Variants in ARMC8 observed in about 807,000 individuals in gnomAD.
ARMC8 encodes armadillo repeat-containing protein 8.
In ARMC8, 20 loss-of-function variants were observed where a neutral mutation model predicts 99.3. The observed-to-expected ratio is 0.20, with a 90% confidence interval of 0.14 to 0.29. ARMC8 has a LOEUF of 0.29. ARMC8 is among the 10% of genes least tolerant of loss of function. ARMC8 has a pLI of 1.00. For synonymous variants in ARMC8, 263 were observed against 278.3 expected, an observed-to-expected ratio of 0.95 and a Z score of 0.55; for missense variants, 569 against 809.5, an observed-to-expected ratio of 0.70 and a Z score of 3.60.
intron 1 of ARMC8, among the ~76,000 whole-genome samples, chr3:138,198,702 C>T (rs941338406): frequency 1.3e-5 from 2 of 151,696 alleles, no homozygotes; most frequent in African/African-American, 4.8e-5. Flanking sequence ...TTAGTAGAGC[C>T]GAGGTTTCAC....
At chr3:138,277,481 ATAT>A (rs556711902) in intron 18 of ARMC8, among the ~76,000 whole-genome samples, 26 of 152,366 alleles carry the variant, frequency 1.7e-4, no homozygotes, top group African/African-American at 5.3e-4. Flanking sequence ...ACCGGAAGGA[ATAT>A]TTGTGGATCA....
intron 1 of ARMC8, among the ~76,000 whole-genome samples, chr3:138,209,581 T>C (rs991241754): frequency 6.6e-6 from 1 of 152,224 alleles, no homozygotes; most frequent in Non-Finnish European, 1.5e-5. Context: ...AAGAAAAATA[T>C]TGATCTTTGA....
intron 18 of ARMC8, among the ~76,000 whole-genome samples, chr3:138,277,274 A>T (rs890680251): frequency 2.0e-5 from 3 of 152,246 alleles, no homozygotes; most frequent in Non-Finnish European, 4.4e-5. Flanking sequence ...ACTGATAGAC[A>T]TAACATAAAA....
intron 6 of ARMC8, among the ~76,000 whole-genome samples, chr3:138,233,784 C>G (rs1440023398): frequency 6.6e-6 from 1 of 152,116 alleles, no homozygotes; most frequent in Non-Finnish European, 1.5e-5. Context: ...ACTTGCTGGA[C>G]CAATAACTGG....
intron 2 of ARMC8, among the ~76,000 whole-genome samples, chr3:138,215,410 G>T (rs906630682): frequency 8.6e-5 from 13 of 151,968 alleles, no homozygotes; most frequent in Non-Finnish European, 1.3e-4. Flanking sequence ...TAGAGACGGG[G>T]TTTCACCGTG....
intron 12 of ARMC8, among the ~76,000 whole-genome samples, chr3:138,250,661 G>T (rs1161502415): frequency 1.3e-5 from 2 of 152,132 alleles, no homozygotes; most frequent in Non-Finnish European, 2.9e-5. Context: ...TAACTTTGAT[G>T]ACCTAATTGT....
intron 14 of ARMC8, among the ~76,000 whole-genome samples, chr3:138,266,526 TCC>T (rs1240513753): frequency 6.6e-6 from 1 of 152,184 alleles, no homozygotes; most frequent in Non-Finnish European, 1.5e-5. Context: ...CTACGGTACT[TCC>T]CTTATTATTC....
chr3:138,287,128 C>A (rs1042890908), intron 19 of ARMC8, among the ~76,000 whole-genome samples: 2 of 152,166 alleles, frequency 1.3e-5, no homozygotes, highest in Non-Finnish European at 1.5e-5. Context: ...TCCCTTCAGC[C>A]CAACTGGTCT....
Position 138,241,919 on chromosome 3 carries a change from T to C in ARMC8, c.974T>C (p.Ile325Thr). The C allele has an allele frequency of 1.9e-6, 3 of 1,614,096 alleles. No homozygotes were observed. In the South Asian group the frequency reaches 3.3e-5, roughly 18 times the overall value. ...ATCGCTAGCATAACTGATCACCTCA[T>C]TGCCATGCTTGCTGATTATTTCAAG... is the stretch of plus-strand genomic sequence containing the variant. ...QRIASITDHL[I>T]AMLADYFKYP... Residue 325 changes from isoleucine (I) to threonine (T), a missense_variant, in exon 11 of 22, where the codon ATT becomes ACT. This residue lies in a region of ARMC8 where 342 missense variants were observed against 391.6 expected (regional missense o/e 0.87). Coordinates refer to ENST00000469044, the MANE Select transcript of ARMC8 (RefSeq NM_001363941.2).
At chr3:138,295,099 G>A (rs532114300) in intron 21 of ARMC8, among the ~76,000 whole-genome samples, 3 of 151,940 alleles carry the variant, frequency 2.0e-5, no homozygotes, top group Non-Finnish European at 4.4e-5. Flanking sequence ...GGGTTTCACC[G>A]TGTTGGCCAG....
chr3:138,229,138 A>ATATATATATATATATG (rs2045857390), intron 6 of ARMC8, 128 bp downstream of exon 6: 1 of 39,744 alleles, frequency 2.5e-5, no homozygotes, highest in African/African-American at 1.7e-4. Flanking sequence ...GTGCGTGTAT[A>ATATATATATATATATG]TATATATATA....
At chr3:138,277,105 G>C (rs1360982110) in intron 18 of ARMC8, among the ~76,000 whole-genome samples, 7 of 152,132 alleles carry the variant, frequency 4.6e-5, no homozygotes, top group African/African-American at 1.2e-4. Context: ...ACAGACTAGA[G>C]AGTCCAGAAA....
intron 1 of ARMC8, chr3:138,188,598 T>C: frequency 6.2e-7 from 1 of 1,602,366 alleles, no homozygotes; most frequent in South Asian, 1.1e-5. Flanking sequence ...GACCATCTTT[T>C]AGACTTGTGG....
At chr3:138,281,793 C>T (rs529386926) in intron 18 of ARMC8, among the ~76,000 whole-genome samples, 102 of 152,270 alleles carry the variant, frequency 6.7e-4, no homozygotes, top group Non-Finnish European at 1.3e-3. Context: ...CCCTGGAATT[C>T]CCCTTTATAT....
At chr3:138,222,244 C>G (rs567421060) in intron 3 of ARMC8, among the ~76,000 whole-genome samples, 10 of 152,282 alleles carry the variant, frequency 6.6e-5, no homozygotes, top group Non-Finnish European at 1.0e-4. Flanking sequence ...GACCTGATGA[C>G]AAAAGGGTTC....
chr3:138,295,219 C>T (rs1053568103), intron 21 of ARMC8, among the ~76,000 whole-genome samples: 1 of 152,094 alleles, frequency 6.6e-6, no homozygotes, highest in Non-Finnish European at 1.5e-5. Flanking sequence ...CTTTTCCTTT[C>T]CACCTGGCCA....
intron 5 of ARMC8, among the ~76,000 whole-genome samples, chr3:138,228,070 C>G (rs1401484793): frequency 6.6e-6 from 1 of 152,252 alleles, no homozygotes; most frequent in African/African-American, 2.4e-5. Flanking sequence ...ACCTCCGCCT[C>G]TCCGATTCAA....
chr3:138,231,961 C>CTTTTTTTTTTTTTTTTTTTTTTTTTT (rs61298993), intron 6 of ARMC8, among the ~76,000 whole-genome samples: 1 of 58,630 alleles, frequency 1.7e-5, no homozygotes, highest in African/African-American at 8.2e-5. Context: ...CTTGCAATTG[C>CTTTTTTTTTTTTTTTTTTTTTTTTTT]TTTTTTTTTT....
chr3:138,191,797 A>G (rs921114157), intron 1 of ARMC8, among the ~76,000 whole-genome samples: 8 of 152,188 alleles, frequency 5.3e-5, no homozygotes, highest in Admixed American at 5.2e-4. Flanking sequence ...ACTCAGTATA[A>G]TGCTTTTGAG....
Sources: allele counts gnomAD v4.1 joint callset (sites outside exome capture counted in the v4.1 genomes callset), GRCh38; gene constraint gnomAD v4.1.1; regional missense constraint gnomAD v4.1.1; transcripts MANE v1.5; gene names NCBI Gene and HGNC (gene_info 2026-07-23, HGNC 2026-07-21).